The following CEP162 variants were observed in gnomAD, a reference collection of about 807,000 sequenced individuals.
CEP162 encodes the protein centrosomal protein 162, also known as centrosomal protein of 162 kDa.
In CEP162, 141 loss-of-function variants were observed where a neutral mutation model predicts 169.2. The ratio of observed to expected loss-of-function variants is 0.83; its 90% confidence interval spans 0.73 to 0.96. The LOEUF (loss-of-function observed/expected upper bound fraction) is 0.96. Among genes scored for constraint, CEP162 ranks in the 40% least tolerant of loss-of-function variants. The pLI, the probability that CEP162 is intolerant of heterozygous loss-of-function variation, is 0.00. For missense variants in CEP162, 1,600 were observed against 1,587.2 expected, an observed-to-expected ratio of 1.01 and a Z score of -0.14; for synonymous variants, 540 against 526.4, an observed-to-expected ratio of 1.03 and a Z score of -0.35.
chr6:84,173,802 A>T (rs368371874), intron 16 of CEP162, among the ~76,000 whole-genome samples: 6 of 150,938 alleles, frequency 4.0e-5, no homozygotes, highest in East Asian at 3.9e-4. Flanking sequence ...TCTTGCCTCA[A>T]CCTCCCAAGT....
intron 3 of CEP162, among the ~76,000 whole-genome samples, chr6:84,217,160 G>A (rs2099551892): frequency 6.6e-6 from 1 of 151,998 alleles, no homozygotes; most frequent in Non-Finnish European, 1.5e-5. Flanking sequence ...CTAAATGCTG[G>A]GGCTTTATCA....
chr6:84,185,822 A>G (rs1222081177), intron 12 of CEP162, among the ~76,000 whole-genome samples: 2 of 152,150 alleles, frequency 1.3e-5, no homozygotes, highest in Non-Finnish European at 2.9e-5. Flanking sequence ...CTTATTCCAC[A>G]AAGAACTGGA....
chr6:84,169,235 T>A, intron 18 of CEP162, 93 bp downstream of exon 18: 1 of 720,386 alleles, frequency 1.4e-6, no homozygotes, highest in Non-Finnish European at 2.3e-6. Flanking sequence ...TTAATACATT[T>A]CTATGTAATT....
chr6:84,210,599 T>C (rs2099549063), intron 6 of CEP162, among the ~76,000 whole-genome samples: 2 of 152,040 alleles, frequency 1.3e-5, no homozygotes, highest in Admixed American at 6.5e-5. Flanking sequence ...ATTTATAAAA[T>C]ATAAGACAGT....
At chr6:84,137,367 G>GATC (rs2129190015) in intron 25 of CEP162, among the ~76,000 whole-genome samples, 1 of 152,120 alleles carries the variant, frequency 6.6e-6, no homozygotes, top group South Asian at 2.1e-4. Context: ...TAAACCCTAT[G>GATC]ATCATTCCAC....
At chr6:84,127,220 T>C (rs1229393011) in intron 25 of CEP162, among the ~76,000 whole-genome samples, 1 of 152,112 alleles carries the variant, frequency 6.6e-6, no homozygotes, top group African/African-American at 2.4e-5. Flanking sequence ...AGAATCAGAT[T>C]TTGCTAATTG....
At chr6:84,189,607 A>G (rs1249321137) in intron 11 of CEP162, among the ~76,000 whole-genome samples, 9 of 152,192 alleles carry the variant, frequency 5.9e-5, no homozygotes, top group Admixed American at 3.9e-4. Flanking sequence ...GCCTTCCCAC[A>G]GGGCAGGGCT....
intron 21 of CEP162, among the ~76,000 whole-genome samples, chr6:84,159,695 G>A (rs933211390): frequency 2.0e-5 from 3 of 149,364 alleles, no homozygotes; most frequent in Non-Finnish European, 3.0e-5. Flanking sequence ...CTCCCAAGTA[G>A]CTAGGATTAC....
At chr6:84,131,915 T>TG (rs1176956129) in intron 25 of CEP162, among the ~76,000 whole-genome samples, 1 of 152,240 alleles carries the variant, frequency 6.6e-6, no homozygotes, top group African/African-American at 2.4e-5. Context: ...GCTCATTAGT[T>TG]GGTGCAGTTT....
chr6:84,197,826 A>G (rs572789922), intron 9 of CEP162, among the ~76,000 whole-genome samples: 1,101 of 103,118 alleles, frequency 0.011, 2 homozygotes, highest in Non-Finnish European at 0.014. Flanking sequence ...CAAACAAAAC[A>G]AAAAAAAAAA....
intron 6 of CEP162, among the ~76,000 whole-genome samples, chr6:84,211,819 G>T (rs2099549595): frequency 2.0e-5 from 3 of 149,376 alleles, no homozygotes; most frequent in African/African-American, 7.4e-5. Flanking sequence ...TAAATCCATA[G>T]ATCAATGATG....
In CEP162 at chr6:84,186,314, T is replaced by C. The variant is rs1469438855; in HGVS notation, c.1401+18A>G. On this transcript the variant is annotated intron_variant, in intron 12 of 26. Coordinates refer to ENST00000403245, the MANE Select transcript of CEP162 (RefSeq NM_014895.4). ...TCGGTTCTCAATCTCTCAAATCAAT[T>C]TGATGATAAATACTTACTTTATTAA... 1.5e-6 allele frequency: 2 copies of C among 1,307,496 alleles called. No homozygotes were observed. Among genetic ancestry groups the C allele is most frequent in the East Asian group, 2.3e-5 (1 of 43,218 alleles). The allele number at this position is 1,307,496 out of a possible 1,614,324, so 81.0% of individuals were successfully genotyped here. A position where few individuals can be genotyped will look rare whatever the true frequency, so the allele number is the denominator to read the frequency against.
intron 6 of CEP162, among the ~76,000 whole-genome samples, chr6:84,211,096 C>T (rs1414439312): frequency 6.6e-6 from 1 of 151,052 alleles, no homozygotes; most frequent in Non-Finnish European, 1.5e-5. Flanking sequence ...AAAAGACACA[C>T]AGAAATGAAC....
At chr6:84,163,392 A>T (rs760831385) in intron 18 of CEP162, 122 bp from the exon 19 acceptor site, 14 of 706,748 alleles carry the variant, frequency 2.0e-5, no homozygotes, top group Non-Finnish European at 3.0e-5. Flanking sequence ...TTTAGCTCTG[A>T]TGTTATTACT....
intron 10 of CEP162, among the ~76,000 whole-genome samples, chr6:84,194,507 G>A (rs1200334507): frequency 6.7e-6 from 1 of 150,198 alleles, no homozygotes; most frequent in Admixed American, 6.6e-5. Flanking sequence ...GGCTGGAGGA[G>A]CAGTGGCGCA....
At chr6:84,171,100 C>A (rs1277612280) in intron 17 of CEP162, among the ~76,000 whole-genome samples, 2 of 152,144 alleles carry the variant, frequency 1.3e-5, no homozygotes, top group Non-Finnish European at 2.9e-5. Context: ...ATTTGCCCTC[C>A]CCCTACCTCA....
intron 24 of CEP162, among the ~76,000 whole-genome samples, chr6:84,148,260 G>T (rs2099519822): frequency 6.6e-6 from 1 of 151,814 alleles, no homozygotes; most frequent in East Asian, 1.9e-4. Flanking sequence ...ATTACATTTT[G>T]CCCCTAAATA....
chr6:84,204,790 G>C (rs562402776), intron 6 of CEP162, among the ~76,000 whole-genome samples: 1 of 152,114 alleles, frequency 6.6e-6, no homozygotes, highest in Non-Finnish European at 1.5e-5. Flanking sequence ...GAATCCAGGA[G>C]CTGGTTTTTT....
chr6:84,152,676 A>G lies in CEP162; in HGVS notation c.3498T>C (p.Asp1166=), dbSNP rs1380114786. 3 of 1,612,250 alleles carry G rather than the reference A, an allele frequency of 1.9e-6. No homozygotes were observed. The Admixed American group carries it at 5.0e-5, about 27-fold the overall frequency. ...CTTGTAAAACTTCTGAAACATGGGA[A>G]TCAGTGAAAGTATGTGGTTGGTACA... ...SKLYQPHTFT[D]SHVSEVLQEN... is the part of the protein sequence containing the mutation. The change falls in exon 23 of 27, where the codon GAT becomes GAC. Residue 1166 remains aspartate (D), a synonymous_variant. Coordinates refer to ENST00000403245, the MANE Select transcript of CEP162 (RefSeq NM_014895.4).
Sources: allele counts gnomAD v4.1 joint callset (sites outside exome capture counted in the v4.1 genomes callset), GRCh38; gene constraint gnomAD v4.1.1; transcripts MANE v1.5; gene names NCBI Gene and HGNC (gene_info 2026-07-23, HGNC 2026-07-21).